The following UGT1A8 variants were observed in gnomAD, a reference collection of about 807,000 sequenced individuals.
The protein encoded by UGT1A8 is UDP-glucuronosyltransferase 1A8.
UGT1A8 carries 39 observed loss-of-function variants against 45.3 expected under a neutral mutation model. That is an observed-to-expected ratio of 0.86 (90% confidence interval 0.67 to 1.12). The LOEUF is 1.12. Ranked by LOEUF, UGT1A8 falls within the 50% of genes most tolerant of loss-of-function variation. UGT1A8 has a pLI of 0.00. For synonymous variants in UGT1A8, 275 were observed against 249.2 expected (o/e 1.10, Z -0.97); for missense variants, 719 against 664.9 (o/e 1.08, Z -0.90).
chr2:233,672,633 A>C, intron 1 of UGT1A8: 1 of 1,613,882 alleles, frequency 6.2e-7, no homozygotes, highest in South Asian at 1.1e-5. Context: ...TAGCCTCTGA[A>C]ATTCTCCAAA....
At chr2:233,688,603 A>G (rs111635928) in intron 1 of UGT1A8, among the ~76,000 whole-genome samples, 1 of 152,192 alleles carries the variant, frequency 6.6e-6, no homozygotes, top group Non-Finnish European at 1.5e-5. Flanking sequence ...TTACAGAATA[A>G]CACCCTCAGC....
intron 1 of UGT1A8, chr2:233,744,072 T>C (rs1692686314): frequency 2.1e-6 from 1 of 476,432 alleles, no homozygotes; most frequent in South Asian, 2.0e-5. Context: ...TATGAGCGCC[T>C]CGCATCCCAA....
At chr2:233,621,777 A>G (rs1322990491) in intron 1 of UGT1A8, among the ~76,000 whole-genome samples, 1 of 152,256 alleles carries the variant, frequency 6.6e-6, no homozygotes, top group East Asian at 1.9e-4. Flanking sequence ...CATGTGCACA[A>G]CGTAAAGGTT....
At position 233,617,884 on chromosome 2, in the gene UGT1A8, G is replaced by A. The variant is rs572113107; in HGVS notation, c.177G>A (p.Met59Ile). The A allele has an allele frequency of 4.3e-6, 7 of 1,614,180 alleles. No homozygotes were observed. The African/African-American group carries it at 8.0e-5, about 18-fold the overall frequency. Residue 59 changes from methionine to isoleucine, a missense_variant, in exon 1 of 5, where the codon ATG becomes ATA. Met to Ile is a conservative substitution (Grantham distance 10). Coordinates refer to ENST00000373450, the MANE Select transcript of UGT1A8 (RefSeq NM_019076.5). The part of the protein sequence containing the change: ...ILRGHEVVVV[M>I]PEVSWQLGKS... Reference sequence around the variant, plus strand: ...GGGGGCATGAGGTGGTTGTAGTCATGCCAGAGGTGAGTTGGCAACTGGGAA... The same window carrying A: ...GGGGGCATGAGGTGGTTGTAGTCATACCAGAGGTGAGTTGGCAACTGGGAA...
At chr2:233,674,763 G>A (rs1373199990) in intron 1 of UGT1A8, among the ~76,000 whole-genome samples, 2 of 152,070 alleles carry the variant, frequency 1.3e-5, no homozygotes, top group African/African-American at 2.4e-5. Context: ...ATGACTATAC[G>A]TGTAAAGCCA....
intron 1 of UGT1A8, among the ~76,000 whole-genome samples, chr2:233,688,037 A>G (rs972225806): frequency 2.6e-5 from 4 of 152,244 alleles, no homozygotes; most frequent in African/African-American, 9.6e-5. Flanking sequence ...ATCTAATTCC[A>G]GATCATTTTC....
chr2:233,747,460 C>T, intron 1 of UGT1A8: 1 of 1,608,790 alleles, frequency 6.2e-7, no homozygotes, highest in Non-Finnish European at 8.5e-7. Context: ...TATGCCATTT[C>T]ATGGACCCAG....
chr2:233,742,047 G>C (rs371861111), intron 1 of UGT1A8: 6 of 152,052 alleles, frequency 3.9e-5, no homozygotes, highest in South Asian at 4.1e-4. Context: ...CATAGCAATA[G>C]GATAGTTCTG....
At chr2:233,709,841 C>T (rs1020241800) in intron 1 of UGT1A8, among the ~76,000 whole-genome samples, 4 of 152,190 alleles carry the variant, frequency 2.6e-5, no homozygotes, top group Admixed American at 2.6e-4. Flanking sequence ...GCAGCCATCA[C>T]CACATTCAAG....
intron 1 of UGT1A8, chr2:233,743,989 C>T: frequency 7.9e-7 from 1 of 1,273,692 alleles, no homozygotes; most frequent in South Asian, 1.3e-5. Context: ...AGGCGCAGGC[C>T]CGAGTGCTCG....
chr2:233,736,427 G>A (rs986034532), intron 1 of UGT1A8, among the ~76,000 whole-genome samples: 6 of 152,022 alleles, frequency 3.9e-5, no homozygotes, highest in Admixed American at 3.3e-4. Flanking sequence ...TTTTTTCAAG[G>A]TTCAACCTTC....
intron 1 of UGT1A8, among the ~76,000 whole-genome samples, chr2:233,702,365 T>A (rs1282819805): frequency 2.0e-5 from 3 of 152,208 alleles, no homozygotes; most frequent in Admixed American, 2.0e-4. Flanking sequence ...TTTTAGTGGA[T>A]TTCGTAGGAT....
intron 1 of UGT1A8, among the ~76,000 whole-genome samples, chr2:233,739,818 A>T (rs1185619139): frequency 6.6e-6 from 1 of 151,978 alleles, no homozygotes; most frequent in Non-Finnish European, 1.5e-5. Context: ...ATTGGTTTTT[A>T]AATGTGAAAA....
At chr2:233,632,352 T>G (rs1037486662) in intron 1 of UGT1A8, among the ~76,000 whole-genome samples, 1 of 152,210 alleles carries the variant, frequency 6.6e-6, no homozygotes, top group Non-Finnish European at 1.5e-5. Context: ...TTTAAAGTAG[T>G]TTTTTCCTAT....
chr2:233,758,832 A>G (rs1444502307), intron 1 of UGT1A8, among the ~76,000 whole-genome samples: 2 of 152,162 alleles, frequency 1.3e-5, no homozygotes, highest in Non-Finnish European at 2.9e-5. Context: ...CCCCAAAAAG[A>G]GTGTAATACT....
At chr2:233,670,085 C>A (rs551210588) in intron 1 of UGT1A8, among the ~76,000 whole-genome samples, 2 of 152,260 alleles carry the variant, frequency 1.3e-5, no homozygotes, top group African/African-American at 4.8e-5. Flanking sequence ...ACATATTTGG[C>A]ATGTTATATG....
intron 1 of UGT1A8, chr2:233,693,993 C>A: frequency 1.3e-6 from 2 of 1,526,758 alleles, no homozygotes; most frequent in East Asian, 2.2e-5. Context: ...GAAGTGATAC[C>A]CGGCTCGGAG....
intron 1 of UGT1A8, among the ~76,000 whole-genome samples, chr2:233,665,146 C>T (rs2074046793): frequency 6.6e-6 from 1 of 152,144 alleles, no homozygotes; most frequent in Non-Finnish European, 1.5e-5. Context: ...CTTTACTTTG[C>T]ATTTTTCATT....
At chr2:233,637,239 C>T in intron 1 of UGT1A8, 11 of 1,613,960 alleles carry the variant, frequency 6.8e-6, no homozygotes, top group Non-Finnish European at 9.3e-6. Context: ...AAACCCCTGT[C>T]ACGGCATATG....
Sources: allele counts gnomAD v4.1 joint callset (sites outside exome capture counted in the v4.1 genomes callset), GRCh38; gene constraint gnomAD v4.1.1; transcripts MANE v1.5; gene names NCBI Gene and HGNC (gene_info 2026-07-23, HGNC 2026-07-21).